Variants in KLC4 observed in about 807,000 individuals in gnomAD.
The protein encoded by KLC4 is kinesin light chain 4.
KLC4 carries 49 observed loss-of-function variants against 77.2 expected under a neutral mutation model. The ratio of observed to expected loss-of-function variants is 0.63; its 90% CI spans 0.50 to 0.80. The LOEUF is 0.80. Among genes scored for constraint, KLC4 ranks in the 30% least tolerant of loss-of-function variants. The probability of loss-of-function intolerance (pLI) is 0.00; values close to 1 mark genes in which losing one functional copy is unlikely to be tolerated. For synonymous variants in KLC4, 274 were observed against 314.5 expected (o/e 0.87, Z 1.36); for missense variants, 669 against 793.5 (o/e 0.84, Z 1.89).
Position 43,065,663 on chromosome 6 carries a change from T to G in KLC4, c.533T>G (p.Leu178Arg), listed in dbSNP as rs1382146612. The G allele has an allele frequency of 6.2e-7, 1 of 1,613,960 alleles. No homozygotes were observed. Among genetic ancestry groups the G allele is most frequent in the Non-Finnish European group, 8.5e-7 (1 of 1,179,880 alleles). Residue 178 changes from leucine (L) to arginine (R), a missense_variant, in exon 4 of 16, where the codon CTC (leucine) becomes CGC (arginine). Physicochemically the swap from Leu to Arg is moderately radical, Grantham distance 102. Coordinates refer to ENST00000347162, the MANE Select transcript of KLC4 (RefSeq NM_201521.3). ...GCCACCAAGGATTCCCTGGATGACC[T>G]CTTTCCTAATGAGGAGGAAGAGGAC... is the stretch of plus-strand genomic sequence containing the variant. ...GDATKDSLDDLFPNEEEEDPS... is the reference protein window; with the variant it reads ...GDATKDSLDDRFPNEEEEDPS...
At chr6:43,073,777 C>A (rs7755815) in intron 14 of KLC4, 125 bp from the exon 15 acceptor site, 1 of 788,002 alleles carries the variant, frequency 1.3e-6, no homozygotes. Context: ...AGTCAACGGG[C>A]CAGCCATGGA....
intron 4 of KLC4, 79 bp downstream of exon 4, chr6:43,065,780 G>A (rs566353404): frequency 1.1e-6 from 1 of 919,360 alleles, no homozygotes; most frequent in African/African-American, 1.7e-5. Context: ...CTGTACACAG[G>A]ACAGTCACCA....
rs752770926 is a variant in KLC4, at chr6:43,072,948, C to T, written c.1613C>T (p.Ala538Val). 4 of 1,605,654 alleles carry T rather than the reference C, an allele frequency of 2.5e-6. No individual in the cohort carries two copies. In the South Asian group the frequency reaches 3.3e-5, roughly 13 times the overall value. Residue 538 changes from alanine to valine, a missense_variant, in exon 13 of 16, where the codon GCT becomes GTT. Transcript: ENST00000347162. The stretch of plus-strand genomic sequence containing the variant: ...GAGGGAGGTGAAGATGCTTCTGTGG[C>T]TGTGGAGTGGTCCGGGGTAAGTCTG... ...KFEGGEDASV[A>V]VEWSGDGSGT... is the part of the protein sequence containing the mutation.
At chr6:43,073,374 G>C in intron 14 of KLC4, 36 bp downstream of exon 14, 1 of 1,478,856 alleles carries the variant, frequency 6.8e-7, no homozygotes, top group Non-Finnish European at 9.4e-7. Context: ...AAAGTGGCCG[G>C]GTGCAGTGGC....
intron 6 of KLC4, among the ~76,000 whole-genome samples, chr6:43,067,649 G>A (rs1765505437): frequency 6.7e-6 from 1 of 149,644 alleles, no homozygotes; most frequent in Non-Finnish European, 1.5e-5. Context: ...TACAAAAAAT[G>A]CCGGGCGTGG....
intron 6 of KLC4, among the ~76,000 whole-genome samples, chr6:43,068,914 C>T (rs1248115680): frequency 6.6e-6 from 1 of 152,094 alleles, no homozygotes; most frequent in Non-Finnish European, 1.5e-5. Flanking sequence ...TTGAGACCAG[C>T]CTGACCAACA....
At chr6:43,066,208 T>A in intron 4 of KLC4, 98 bp from the exon 5 acceptor site, 1 of 990,928 alleles carries the variant, frequency 1.0e-6, no homozygotes, top group East Asian at 2.4e-5. Context: ...CAGGTTGGGG[T>A]GGGCACAAGT....
intron 13 of KLC4, 61 bp from the exon 14 acceptor site, chr6:43,073,162 G>T: frequency 6.9e-7 from 1 of 1,441,136 alleles, no homozygotes; most frequent in South Asian, 1.2e-5. Flanking sequence ...GCTAGGAGTA[G>T]ACTCAGAAAC....
chr6:43,072,521 G>A (rs1278990584), intron 12 of KLC4, among the ~76,000 whole-genome samples: 5 of 152,270 alleles, frequency 3.3e-5, no homozygotes, highest in East Asian at 3.9e-4. Flanking sequence ...GAGGGGACCT[G>A]GGTGGTATGG....
At chr6:43,072,427 C>T (rs1172208413) in intron 12 of KLC4, among the ~76,000 whole-genome samples, 172 bp downstream of exon 12, 1 of 152,112 alleles carries the variant, frequency 6.6e-6, no homozygotes, top group African/African-American at 2.4e-5. Flanking sequence ...TGTTCTTACC[C>T]CCCACCTGCA....
Position 43,071,903 on chromosome 6 carries a change from A to C in KLC4, c.1360A>C (p.Lys454Gln), listed in dbSNP as rs1223955751. ...CTATGCTGAGTATGGAGGCTGGTAC[A>C]AGGCCTGCAAAGTGAGCAGGTGAGC... ...TPYAEYGGWY[K>Q]ACKVSSPTVN... Residue 454 changes from lysine to glutamine, a missense_variant, in exon 11 of 16, where the codon AAG (lysine) becomes CAG (glutamine). Transcript: ENST00000347162. 3.1e-6 allele frequency: 5 copies of C among 1,611,020 alleles called. No homozygotes were observed. The highest frequency in any genetic ancestry group is 4.2e-6 in the Non-Finnish European group (5 of 1,179,364).
At position 43,061,550 on chromosome 6, in the gene KLC4, G is replaced by A. The variant is rs11558979; in HGVS notation, c.215G>A (p.Arg72His). Residue 72 changes from arginine to histidine, a missense_variant, in exon 2 of 16, where the codon CGC (arginine) becomes CAC (histidine). Coordinates refer to ENST00000347162, the MANE Select transcript of KLC4 (RefSeq NM_201521.3). ...GTGCATGAGAAGGCCCGGCAGCTTC[G>A]CCGTTCTATGGAAAACATTGAGCTC... The part of the protein sequence containing the change: ...GLVHEKARQL[R>H]RSMENIELGL... The A allele has an allele frequency of 0.032, 51,055 of 1,613,738 alleles. 940 individuals carry two copies. Among genetic ancestry groups the A allele is most frequent in the Non-Finnish European group, 0.036 (42,680 of 1,179,732 alleles).
Position 43,070,754 on chromosome 6 carries a change from A to C in KLC4, c.1044A>C (p.Gln348His), listed in dbSNP as rs1765675925. The change falls in exon 8 of 16, where the codon CAA (glutamine) becomes CAC (histidine). Residue 348 changes from glutamine to histidine, a missense_variant. Coordinates refer to ENST00000347162, the MANE Select transcript of KLC4 (RefSeq NM_201521.3). ...KQLNNLALLC[Q>H]NQGKYEAVER... ...TGAACAACCTGGCCCTCTTGTGCCA[A>C]AACCAGGGCAAGTATGAGGCCGTGG... 6 of 1,614,180 alleles carry C rather than the reference A, an allele frequency of 3.7e-6. No individual in the cohort carries two copies. Among genetic ancestry groups the C allele is most frequent in the Admixed American group, 1.7e-5 (1 of 60,018 alleles).
At chr6:43,072,495 C>T (rs954592587) in intron 12 of KLC4, among the ~76,000 whole-genome samples, 2 of 152,180 alleles carry the variant, frequency 1.3e-5, no homozygotes, top group Admixed American at 6.5e-5. Context: ...AAGGAGAAAC[C>T]CTGCCCTTTC....
In KLC4 at chr6:43,062,911, A is replaced by C. The variant is rs1765232692; in HGVS notation, c.259-6A>C. 2 of 1,612,768 alleles carry C rather than the reference A, an allele frequency of 1.2e-6. No individual in the cohort carries two copies. Among genetic ancestry groups the C allele is most frequent in the Non-Finnish European group, 1.7e-6 (2 of 1,178,898 alleles). On this transcript the variant is annotated splice_region_variant and splice_polypyrimidine_tract_variant and intron_variant, in intron 2 of 15. Coordinates refer to ENST00000347162, the MANE Select transcript of KLC4 (RefSeq NM_201521.3). ...AATCTGGAGCTCAGGGGATGTGCCCACCTAGGTGATGCTGGCTCTAGCCAG... is the reference window on the plus strand; with the variant it reads ...AATCTGGAGCTCAGGGGATGTGCCCCCCTAGGTGATGCTGGCTCTAGCCAG...
intron 6 of KLC4, among the ~76,000 whole-genome samples, chr6:43,067,623 T>C (rs527369400): frequency 1.6e-3 from 246 of 149,638 alleles, no homozygotes; most frequent in African/African-American, 5.5e-3. Context: ...TGAAACCCCA[T>C]CTCTACTAAA....
intron 12 of KLC4, among the ~76,000 whole-genome samples, chr6:43,072,512 AGGGG>A (rs1339113344): frequency 3.3e-5 from 5 of 152,252 alleles, no homozygotes; most frequent in East Asian, 3.9e-4. Flanking sequence ...TTTCATAAGG[AGGGG>A]ACCTGGGTGG....
chr6:43,064,942 C>T (rs77847937), intron 3 of KLC4, among the ~76,000 whole-genome samples: 3,349 of 152,238 alleles, frequency 0.022, 56 homozygotes, highest in Non-Finnish European at 0.034. Context: ...TCAATAAGAT[C>T]GGCCACACTC....
At chr6:43,074,056 G>T in intron 15 of KLC4, 91 bp downstream of exon 15, 1 of 991,298 alleles carries the variant, frequency 1.0e-6, no homozygotes. Flanking sequence ...AGGGAAGGGA[G>T]AGGAGTCATC....
Sources: allele counts gnomAD v4.1 joint callset (sites outside exome capture counted in the v4.1 genomes callset), GRCh38; gene constraint gnomAD v4.1.1; transcripts MANE v1.5; gene names NCBI Gene and HGNC (gene_info 2026-07-23, HGNC 2026-07-21).